The following STON2 variants were observed in gnomAD, a reference collection of about 807,000 sequenced individuals.
The protein encoded by STON2 is stonin 2.
A neutral mutation model predicts 65.7 loss-of-function variants in STON2; 29 were observed. The observed-to-expected ratio is 0.44, with a 90% CI of 0.33 to 0.60. The LOEUF is 0.60. Among genes scored for constraint, STON2 ranks in the 20% least tolerant of loss-of-function variants. The pLI is 0.03. For synonymous variants in STON2, 404 were observed against 414.2 expected, an observed-to-expected ratio of 0.98 and a Z score of 0.30; for missense variants, 1,054 against 1,118.1, an observed-to-expected ratio of 0.94 and a Z score of 0.82.
chr14:81,268,408 G>A lies in STON2; in HGVS notation c.*6C>T, dbSNP rs1048756210. 3 of 1,289,398 alleles carry A rather than the reference G, an allele frequency of 2.3e-6. No individual in the cohort carries two copies. Among genetic ancestry groups the A allele is most frequent in the African/African-American group, 3.0e-5 (2 of 65,848 alleles). The allele number at this position is 1,289,398 out of a possible 1,614,324, so 79.9% of individuals were successfully genotyped here. On this transcript the variant is annotated 3_prime_UTR_variant, in exon 8 of 8. Transcript: ENST00000614646. ...TGGGATCAGGATTCCTTGCCGCAAG[G>A]CTTTGTCACTGCACTCCACACTCCT...
At chr14:81,308,168 G>A (rs987173924) in intron 5 of STON2, among the ~76,000 whole-genome samples, 2 of 152,120 alleles carry the variant, frequency 1.3e-5, no homozygotes, top group Non-Finnish European at 2.9e-5. Flanking sequence ...ACGCTTACCT[G>A]CTCTGGATTT....
At chr14:81,319,234 A>G (rs1361878516) in intron 5 of STON2, among the ~76,000 whole-genome samples, 3 of 152,246 alleles carry the variant, frequency 2.0e-5, no homozygotes, top group Non-Finnish European at 4.4e-5. Context: ...TACATATGCC[A>G]TAGTAAAATT....
At chr14:81,421,221 C>T (rs1202505171) in intron 2 of STON2, among the ~76,000 whole-genome samples, 1 of 152,158 alleles carries the variant, frequency 6.6e-6, no homozygotes, top group African/African-American at 2.4e-5. Flanking sequence ...TATGCCCCTA[C>T]TGAGTCCAGA....
At chr14:81,388,757 A>G (rs1235579552) in intron 3 of STON2, among the ~76,000 whole-genome samples, 1 of 152,146 alleles carries the variant, frequency 6.6e-6, no homozygotes, top group Non-Finnish European at 1.5e-5. Context: ...AACTTCAAAG[A>G]GTGGAAGAAA....
chr14:81,390,243 G>T lies in STON2; in HGVS notation c.373+5651C>A, dbSNP rs564644977. On this transcript the variant is annotated intron_variant, in intron 3 of 7. Coordinates refer to ENST00000614646, the MANE Select transcript of STON2 (RefSeq NM_001394390.1). ...AAAAACAGAAAGACAAGTAGTGGTTGAAAGACAACCGCAAGAGATGGTAAT... is the reference window on the plus strand; with the variant it reads ...AAAAACAGAAAGACAAGTAGTGGTTTAAAGACAACCGCAAGAGATGGTAAT... 3.9e-5 allele frequency among the ~76,000 whole-genome samples: 6 copies of T among 151,980 alleles called. No individual in the cohort carries two copies. The South Asian group carries it at 6.2e-4, about 16-fold the overall frequency.
chr14:81,307,352 A>T (rs996667685), intron 5 of STON2, among the ~76,000 whole-genome samples: 1 of 152,208 alleles, frequency 6.6e-6, no homozygotes, highest in Non-Finnish European at 1.5e-5. Flanking sequence ...AGGCTGATTG[A>T]GTGTAATTTT....
intron 3 of STON2, among the ~76,000 whole-genome samples, chr14:81,384,984 G>C (rs1483488641): frequency 6.6e-6 from 1 of 152,132 alleles, no homozygotes; most frequent in Non-Finnish European, 1.5e-5. Flanking sequence ...TAGCTCAGAG[G>C]AGCTCTTGTT....
chr14:81,388,962 TCTC>T (rs1413934408), intron 3 of STON2, among the ~76,000 whole-genome samples: 1 of 152,096 alleles, frequency 6.6e-6, no homozygotes, highest in Non-Finnish European at 1.5e-5. Context: ...CAGTTCTACT[TCTC>T]CTCCTCCTTC....
chr14:81,385,445 A>G (rs887272321), intron 3 of STON2, among the ~76,000 whole-genome samples: 28 of 152,192 alleles, frequency 1.8e-4, no homozygotes, highest in African/African-American at 6.8e-4. Context: ...GTATGTATCT[A>G]TGTATATGTC....
intron 4 of STON2, among the ~76,000 whole-genome samples, chr14:81,352,306 T>C (rs1304248196): frequency 6.6e-6 from 1 of 152,228 alleles, no homozygotes; most frequent in Non-Finnish European, 1.5e-5. Context: ...CGGAAACATC[T>C]ATGCTTTCTG....
chr14:81,334,305 C>T (rs1420691171), intron 4 of STON2, among the ~76,000 whole-genome samples: 1 of 152,164 alleles, frequency 6.6e-6, no homozygotes, highest in African/African-American at 2.4e-5. Context: ...TTGTCTCCCT[C>T]GACTACTTTT....
chr14:81,394,509 G>A (rs1026296304), intron 3 of STON2, among the ~76,000 whole-genome samples: 2 of 152,010 alleles, frequency 1.3e-5, no homozygotes, highest in African/African-American at 2.4e-5. Context: ...TACTTTATAT[G>A]GCAAAAGAAC....
chr14:81,265,409 C>A lies in STON2; in HGVS notation c.*3005G>T, dbSNP rs1894317460. 1 of 921,288 alleles carries A rather than the reference C, an allele frequency of 1.1e-6. No individual in the cohort carries two copies. Among genetic ancestry groups the A allele is most frequent in the Non-Finnish European group, 1.3e-6 (1 of 772,090 alleles). The allele number at this position is 921,288 out of a possible 1,614,324, so 57.1% of individuals were successfully genotyped here. A position where few individuals can be genotyped will look rare whatever the true frequency, so the allele number is the denominator to read the frequency against. ...GTGGCTCACGCCTGTAATCCCAGAG[C>A]TTTGGGAGACTGAGGCAGGCTTATC... is the stretch of plus-strand genomic sequence containing the variant. On this transcript the variant is annotated 3_prime_UTR_variant, in exon 8 of 8. Coordinates refer to ENST00000614646, the MANE Select transcript of STON2 (RefSeq NM_001394390.1).
chr14:81,406,056 C>T (rs568861680), intron 2 of STON2, among the ~76,000 whole-genome samples: 1 of 152,290 alleles, frequency 6.6e-6, no homozygotes, highest in East Asian at 1.9e-4. Context: ...ATTTCTTCAG[C>T]TTTTGGACTC....
chr14:81,278,374 T>C lies in STON2; in HGVS notation c.1108A>G (p.Asn370Asp). 1 of 1,614,194 alleles carries C rather than the reference T, an allele frequency of 6.2e-7. No individual in the cohort carries two copies. The highest frequency in any genetic ancestry group is 8.5e-7 in the Non-Finnish European group (1 of 1,180,030). ...TGCAGAGTCTCATTCAGGAAAGGGTTGGTTGCCCTCCAAGGTGAAGCCTCA... is the reference window on the plus strand; with the variant it reads ...TGCAGAGTCTCATTCAGGAAAGGGTCGGTTGCCCTCCAAGGTGAAGCCTCA... ...VTEASPWRAT[N>D]PFLNETLQDV... Residue 370 changes from asparagine (N) to aspartate (D), a missense_variant, in exon 6 of 8, where the codon AAC becomes GAC. Asn to Asp is a conservative substitution (Grantham distance 23). Transcript: ENST00000614646.
chr14:81,397,060 A>AAAG (rs1555406362), intron 2 of STON2, among the ~76,000 whole-genome samples: 1 of 152,184 alleles, frequency 6.6e-6, no homozygotes, highest in Non-Finnish European at 1.5e-5. Context: ...CTCCGTCTCA[A>AAAG]AACAACAACA....
At chr14:81,285,869 C>T (rs543138393) in intron 5 of STON2, among the ~76,000 whole-genome samples, 4 of 152,074 alleles carry the variant, frequency 2.6e-5, no homozygotes, top group African/African-American at 7.2e-5. Flanking sequence ...AAGTTGAGGC[C>T]GGGTGCGGTG....
intron 4 of STON2, among the ~76,000 whole-genome samples, chr14:81,361,274 TAA>T (rs1898481764): frequency 6.6e-6 from 1 of 151,868 alleles, no homozygotes; most frequent in African/African-American, 2.4e-5. Flanking sequence ...ATATAGAAAC[TAA>T]AAGAGCATGA....
intron 5 of STON2, among the ~76,000 whole-genome samples, chr14:81,279,201 G>A (rs1300252667): frequency 2.0e-5 from 3 of 152,042 alleles, no homozygotes; most frequent in Non-Finnish European, 4.4e-5. Context: ...TATTCTTGGA[G>A]GGATTTTAGC....
Sources: allele counts gnomAD v4.1 joint callset (sites outside exome capture counted in the v4.1 genomes callset), GRCh38; gene constraint gnomAD v4.1.1; transcripts MANE v1.5; gene names NCBI Gene and HGNC (gene_info 2026-07-23, HGNC 2026-07-21).